LRP1B: variants seen among roughly 807,000 people sequenced by gnomAD.
The protein encoded by LRP1B is low-density lipoprotein receptor-related protein 1B.
In LRP1B, 217 loss-of-function variants were observed where a neutral mutation model predicts 556.6. The observed-to-expected ratio is 0.39, with a 90% confidence interval of 0.35 to 0.44. The LOEUF (loss-of-function observed/expected upper bound fraction) is 0.44. LRP1B is among the 20% of genes least tolerant of loss of function. The pLI is 1.00. For synonymous variants in LRP1B, 2,047 were observed against 1,865.8 expected, an observed-to-expected ratio of 1.10 and a Z score of -2.50; for missense variants, 5,053 against 5,620.8, an observed-to-expected ratio of 0.90 and a Z score of 3.23.
In LRP1B at chr2:141,499,385, C is replaced by T. The variant is rs570842940; in HGVS notation, c.206-18852G>A. ...ATGACAGAGTAACATCGCTTCCTTC[C>T]GGTAATACCTACGCCTCTTACTTGT... On this transcript the variant is annotated intron_variant, in intron 2 of 90. Coordinates refer to ENST00000389484, the MANE Select transcript of LRP1B (RefSeq NM_018557.3). Among the ~76,000 whole-genome samples the T allele has an allele frequency of 2.7e-4, 41 of 152,180 alleles. 1 individual carries two copies. The South Asian group carries it at 6.2e-3, about 23-fold the overall frequency.
intron 35 of LRP1B, among the ~76,000 whole-genome samples, chr2:140,721,006 A>G (rs947000513): frequency 1.3e-5 from 2 of 152,044 alleles, no homozygotes; most frequent in African/African-American, 4.8e-5. Context: ...CTTTTTCTTC[A>G]TCCCCCATTT....
intron 43 of LRP1B, among the ~76,000 whole-genome samples, chr2:140,556,187 C>T (rs966874501): frequency 2.0e-5 from 3 of 152,024 alleles, no homozygotes; most frequent in Non-Finnish European, 4.4e-5. Flanking sequence ...CAACTCTGAC[C>T]TTCTCTCTCC....
At chr2:140,721,779 G>A (rs923273974) in intron 35 of LRP1B, among the ~76,000 whole-genome samples, 9 of 149,160 alleles carry the variant, frequency 6.0e-5, no homozygotes, top group African/African-American at 2.2e-4. Flanking sequence ...GGATGGTCTC[G>A]ATCTCCTGAC....
chr2:141,220,670 C>A (rs1357431423), intron 6 of LRP1B, among the ~76,000 whole-genome samples: 1 of 150,018 alleles, frequency 6.7e-6, no homozygotes, highest in Non-Finnish European at 1.5e-5. Context: ...GAGAGAAAGG[C>A]CAGGTCACCT....
At chr2:140,883,217 C>A (rs1269614607) in intron 25 of LRP1B, among the ~76,000 whole-genome samples, 1 of 152,140 alleles carries the variant, frequency 6.6e-6, no homozygotes, top group African/African-American at 2.4e-5. Flanking sequence ...CACAACGGAA[C>A]ACAAAAGGGA....
intron 66 of LRP1B, among the ~76,000 whole-genome samples, chr2:140,399,778 G>A (rs1684413508): frequency 6.6e-6 from 1 of 152,220 alleles, no homozygotes; most frequent in African/African-American, 2.4e-5. Context: ...ACAAAAGGAA[G>A]AGGAAACCAT....
intron 6 of LRP1B, among the ~76,000 whole-genome samples, chr2:141,201,309 C>T (rs1004084392): frequency 6.6e-6 from 1 of 152,158 alleles, no homozygotes; most frequent in Non-Finnish European, 1.5e-5. Flanking sequence ...TCCACTTATG[C>T]GTTAAAACTG....
chr2:141,712,899 C>CT (rs1177598955), intron 2 of LRP1B, among the ~76,000 whole-genome samples: 1 of 135,542 alleles, frequency 7.4e-6, no homozygotes, highest in East Asian at 2.3e-4. Flanking sequence ...AGGCTGGTCT[C>CT]TAACTCCTGA....
At chr2:140,309,773 A>G (rs1326646157) in intron 83 of LRP1B, among the ~76,000 whole-genome samples, 1 of 151,786 alleles carries the variant, frequency 6.6e-6, no homozygotes, top group Non-Finnish European at 1.5e-5. Context: ...AGAAAGATCT[A>G]TTTCTTTATA....
chr2:140,580,458 A>G (rs528809299), intron 43 of LRP1B, among the ~76,000 whole-genome samples: 11 of 152,334 alleles, frequency 7.2e-5, no homozygotes, highest in African/African-American at 2.6e-4. Context: ...CGAAATAAAA[A>G]GCGATCATTT....
At chr2:141,234,745 TA>T (rs1683590503) in intron 5 of LRP1B, among the ~76,000 whole-genome samples, 1 of 152,076 alleles carries the variant, frequency 6.6e-6, no homozygotes, top group African/African-American at 2.4e-5. Context: ...TATGTAATAT[TA>T]ACAGAAAATT....
chr2:140,989,484 A>C, intron 17 of LRP1B, 48 bp downstream of exon 17: 1 of 1,605,424 alleles, frequency 6.2e-7, no homozygotes, highest in South Asian at 1.1e-5. Context: ...ATTTTTATTA[A>C]GACTAACTTT....
At position 140,644,296 on chromosome 2, in the gene LRP1B, C is replaced by A. The variant is rs76705951; in HGVS notation, c.6800-42657G>T. On this transcript the variant is annotated intron_variant, in intron 41 of 90. Transcript: ENST00000389484. ...AGATATATATTGTCCTTATATTGGA[C>A]AGATACAAGAGTATCAAAATTAAAG... 4.1e-3 allele frequency among the ~76,000 whole-genome samples: 618 copies of A among 151,906 alleles called. 5 individuals are homozygous for A. The highest frequency in any genetic ancestry group is 0.014 in the African/African-American group (576 of 41,404).
chr2:140,467,511 G>A (rs1209870064), intron 60 of LRP1B, among the ~76,000 whole-genome samples: 2 of 151,628 alleles, frequency 1.3e-5, no homozygotes, highest in Non-Finnish European at 1.5e-5. Context: ...TACTTGGGAG[G>A]CTGAGCCAGG....
intron 1 of LRP1B, among the ~76,000 whole-genome samples, chr2:141,826,052 T>C (rs1696909168): frequency 6.6e-6 from 1 of 152,016 alleles, no homozygotes; most frequent in Non-Finnish European, 1.5e-5. Flanking sequence ...AATTACTATG[T>C]TATATTTAGT....
At chr2:141,595,454 AG>A (rs566278342) in intron 2 of LRP1B, among the ~76,000 whole-genome samples, 168 of 152,248 alleles carry the variant, frequency 1.1e-3, no homozygotes, top group African/African-American at 3.8e-3. Context: ...ATTTGTAAAC[AG>A]TGAGACAACA....
intron 41 of LRP1B, among the ~76,000 whole-genome samples, chr2:140,696,343 A>T (rs1686429713): frequency 6.6e-6 from 1 of 152,148 alleles, no homozygotes; most frequent in South Asian, 2.1e-4. Flanking sequence ...AGCAAAGGGC[A>T]ACTTCTTGGC....
intron 3 of LRP1B, among the ~76,000 whole-genome samples, chr2:141,395,178 A>G (rs1364652561): frequency 2.0e-5 from 3 of 152,116 alleles, no homozygotes; most frequent in Non-Finnish European, 2.9e-5. Context: ...AGTATACTGT[A>G]TTATGTAATA....
intron 86 of LRP1B, among the ~76,000 whole-genome samples, chr2:140,263,686 A>G (rs1682052069): frequency 6.6e-6 from 1 of 152,116 alleles, no homozygotes; most frequent in African/African-American, 2.4e-5. Flanking sequence ...GTCACCTTAT[A>G]ACAAAGATCA....
Sources: gnomAD v4.1 joint callset for allele counts (sites outside exome capture counted in the v4.1 genomes callset) on GRCh38, gnomAD v4.1.1 for gene constraint, MANE v1.5 for transcripts, NCBI Gene and HGNC (gene_info 2026-07-23, HGNC 2026-07-21) for gene names.